Variants in GFOD2 observed in about 807,000 individuals in gnomAD.
The protein encoded by GFOD2 is glucose-fructose oxidoreductase domain-containing protein 2.
In GFOD2, 9 loss-of-function variants were observed where a neutral mutation model predicts 24.6. That is an observed-to-expected ratio of 0.37 (90% CI 0.22 to 0.64). The LOEUF (loss-of-function observed/expected upper bound fraction) is 0.64. GFOD2 is among the 30% of genes least tolerant of loss of function. GFOD2 has a pLI of 0.65. For missense variants in GFOD2, 476 were observed against 532.5 expected (o/e 0.89, Z 1.04); for synonymous variants, 211 against 224.8 (o/e 0.94, Z 0.55).
chr16:67,685,390 G>C, intron 2 of GFOD2, 67 bp downstream of exon 2: 1 of 1,605,392 alleles, frequency 6.2e-7, no homozygotes, highest in Non-Finnish European at 8.5e-7. Flanking sequence ...GAGGAGAGGA[G>C]TGACCCTCAG....
rs1220815327 is a variant in GFOD2, at chr16:67,675,238, C to G, written c.1075G>C (p.Glu359Gln). 1 of 1,613,688 alleles carries G rather than the reference C, an allele frequency of 6.2e-7. No individual in the cohort carries two copies. Among genetic ancestry groups the G allele is most frequent in the East Asian group, 2.2e-5 (1 of 44,882 alleles). ...GTCAGCACCTCCACAGCCTCCCACT[C>G]CCCGGATCGGCTCGACCTCTTGATG... ...DAIKRSSRSG[E>Q]WEAVEVLTEE... The change falls in exon 3 of 3, where the codon GAG (glutamate) becomes CAG (glutamine). Residue 359 changes from glutamate to glutamine, a missense_variant. Physicochemically the swap from Glu to Gln is conservative, Grantham distance 29. Coordinates refer to ENST00000268797, the MANE Select transcript of GFOD2 (RefSeq NM_030819.4).
At chr16:67,684,786 T>C in intron 2 of GFOD2, 1 of 983,860 alleles carries the variant, frequency 1.0e-6, no homozygotes, top group Non-Finnish European at 1.2e-6. Flanking sequence ...AGAGAAGAAG[T>C]TGACTCCAGT....
intron 1 of GFOD2, among the ~76,000 whole-genome samples, chr16:67,704,572 T>C (rs1161430957): frequency 2.0e-5 from 3 of 152,160 alleles, no homozygotes; most frequent in African/African-American, 7.2e-5. Flanking sequence ...ACAGCTCACA[T>C]TTAAATAAAT....
At chr16:67,701,455 T>A (rs576329579) in intron 1 of GFOD2, among the ~76,000 whole-genome samples, 1 of 152,308 alleles carries the variant, frequency 6.6e-6, no homozygotes, top group East Asian at 1.9e-4. Context: ...TATGCCACAA[T>A]GAACAAATCT....
intron 2 of GFOD2, chr16:67,681,284 G>A: frequency 1.0e-6 from 1 of 985,462 alleles, no homozygotes; most frequent in Non-Finnish European, 1.2e-6. Context: ...AGGCAGAGAG[G>A]AGGTGGGTTT....
chr16:67,700,049 T>C (rs2053390502), intron 1 of GFOD2, among the ~76,000 whole-genome samples: 1 of 152,050 alleles, frequency 6.6e-6, no homozygotes, highest in Non-Finnish European at 1.5e-5. Context: ...CACTTCAGCC[T>C]GGGCAACAAG....
At chr16:67,695,874 T>G (rs558909779) in intron 1 of GFOD2, among the ~76,000 whole-genome samples, 1 of 152,232 alleles carries the variant, frequency 6.6e-6, no homozygotes, top group Non-Finnish European at 1.5e-5. Flanking sequence ...GTTACAGGGC[T>G]AAGGGAGTGA....
intron 1 of GFOD2, among the ~76,000 whole-genome samples, chr16:67,694,985 CTCTTTTTTTTT>C (rs1261987607): frequency 1.4e-5 from 2 of 145,808 alleles, no homozygotes; most frequent in Non-Finnish European, 3.0e-5. Context: ...CTCCATCTCT[CTCTTTTTTTTT>C]TTTTTTTTTT....
chr16:67,679,141 T>C (rs1053228812), intron 2 of GFOD2, among the ~76,000 whole-genome samples: 8 of 152,298 alleles, frequency 5.3e-5, no homozygotes, highest in African/African-American at 1.4e-4. Flanking sequence ...CGCTCCAGCA[T>C]GGGTGACAGA....
At position 67,675,612 on chromosome 16, in the gene GFOD2, C is replaced by A; in HGVS notation, c.701G>T (p.Cys234Phe). 3 of 1,613,232 alleles carry A rather than the reference C, an allele frequency of 1.9e-6. No individual in the cohort carries two copies. Among genetic ancestry groups the A allele is most frequent in the Non-Finnish European group, 2.5e-6 (3 of 1,180,044 alleles). ...FFQMLMGGGVCSTVTLNFNMP... is the reference protein window; with the variant it reads ...FFQMLMGGGVFSTVTLNFNMP... ...GTTGAAGTTGAGTGTCACTGTGCTA[C>A]ACACACCCCCACCCATGAGCATCTG... The change falls in exon 3 of 3, where the codon TGT (cysteine) becomes TTT (phenylalanine). Residue 234 changes from cysteine (C) to phenylalanine (F), a missense_variant. Coordinates refer to ENST00000268797, the MANE Select transcript of GFOD2 (RefSeq NM_030819.4).
At chr16:67,685,919 G>A (rs950306898) in intron 1 of GFOD2, 117 bp from the exon 2 acceptor site, 6 of 571,940 alleles carry the variant, frequency 1.0e-5, no homozygotes, top group Admixed American at 3.1e-5. Flanking sequence ...GCAGTGGTGC[G>A]AAGGCTACTT....
chr16:67,679,897 A>AAAC (rs907631579), intron 2 of GFOD2, among the ~76,000 whole-genome samples: 24 of 149,318 alleles, frequency 1.6e-4, no homozygotes, highest in African/African-American at 5.6e-4. Context: ...AAAAAAAAAA[A>AAAC]AACAACAACA....
Position 67,685,789 on chromosome 16 carries a change from G to T in GFOD2, c.-74C>A. 1 of 1,514,186 alleles carries T rather than the reference G, an allele frequency of 6.6e-7. No homozygotes were observed. The highest frequency in any genetic ancestry group is 1.2e-5 in the South Asian group (1 of 81,670). 93.8% of individuals were successfully genotyped at this position (1,514,186 alleles called of 1,614,324 possible). On this transcript the variant is annotated 5_prime_UTR_variant, in exon 2 of 3. Coordinates refer to ENST00000268797, the MANE Select transcript of GFOD2 (RefSeq NM_030819.4). ...TGGATATGATCTTCCAAACGTCCTG[G>T]TCAGACATGGCTCCTAGAATAGCAA...
intron 1 of GFOD2, among the ~76,000 whole-genome samples, chr16:67,700,737 A>G (rs2053396677): frequency 6.6e-6 from 1 of 150,916 alleles, no homozygotes; most frequent in African/African-American, 2.4e-5. Context: ...ACAAACAAAC[A>G]AAAAACAAAT....
intron 2 of GFOD2, chr16:67,684,255 C>T (rs2053248954): frequency 6.6e-6 from 1 of 152,072 alleles, no homozygotes; most frequent in African/African-American, 2.4e-5. Context: ...TGCCTGTAGT[C>T]CTGGCTACTT....
chr16:67,709,638 T>C (rs977384344), intron 1 of GFOD2, among the ~76,000 whole-genome samples: 1 of 152,170 alleles, frequency 6.6e-6, no homozygotes, highest in Admixed American at 6.5e-5. Flanking sequence ...ATTATTATAA[T>C]GGAGTCTCAC....
chr16:67,718,888 T>A (rs980074292), intron 1 of GFOD2, among the ~76,000 whole-genome samples: 1 of 152,110 alleles, frequency 6.6e-6, no homozygotes, highest in African/African-American at 2.4e-5. Flanking sequence ...GGTAAAAGGA[T>A]GGGTTATGTC....
At chr16:67,683,895 CAAGT>C in intron 2 of GFOD2, 1 of 1,143,200 alleles carries the variant, frequency 8.7e-7, no homozygotes. Flanking sequence ...GTTACTCAGT[CAAGT>C]AAGTATGTGC....
At chr16:67,677,105 G>A (rs1424036489) in intron 2 of GFOD2, 2 of 152,116 alleles carry the variant, frequency 1.3e-5, no homozygotes, top group Non-Finnish European at 2.9e-5. Context: ...AAAAACCCAC[G>A]AAAAAGCTCT....
Sources: allele counts gnomAD v4.1 joint callset (sites outside exome capture counted in the v4.1 genomes callset), GRCh38; gene constraint gnomAD v4.1.1; transcripts MANE v1.5; gene names NCBI Gene and HGNC (gene_info 2026-07-23, HGNC 2026-07-21).